SRPK2: variants seen among roughly 807,000 people sequenced by gnomAD.
SRPK2 encodes SFRS protein kinase 2.
SRPK2 carries 21 observed loss-of-function variants against 90.8 expected under a neutral mutation model. The observed-to-expected ratio is 0.23, with a 90% confidence interval of 0.16 to 0.33. The LOEUF (loss-of-function observed/expected upper bound fraction) is 0.33, where lower values mean the gene tolerates loss of function less well. Among genes scored for constraint, SRPK2 ranks in the 10% least tolerant of loss-of-function variants. The probability of loss-of-function intolerance (pLI) is 1.00; values close to 1 mark genes in which losing one functional copy is unlikely to be tolerated. For missense variants in SRPK2, 620 were observed against 869.0 expected (o/e 0.71, Z 3.60); for synonymous variants, 288 against 311.1 (o/e 0.93, Z 0.78).
At chr7:105,212,900 CT>C (rs1017181091) in intron 2 of SRPK2, among the ~76,000 whole-genome samples, 6 of 152,004 alleles carry the variant, frequency 3.9e-5, no homozygotes, top group African/African-American at 1.4e-4. Context: ...TGTACAGACT[CT>C]TTTTTTGGTC....
At position 105,298,566 on chromosome 7, in the gene SRPK2, C is replaced by T. The variant is rs187085734; in HGVS notation, c.71+90082G>A. 1.9e-3 allele frequency among the ~76,000 whole-genome samples: 292 copies of T among 152,142 alleles called. 2 individuals carry two copies. Among genetic ancestry groups the T allele is most frequent in the African/African-American group, 6.8e-3 (281 of 41,494 alleles). ...TAAATTGTGAGATGACTGCTTGAGA[C>T]CAGGAGTCTGAGGCCAGCCTGGGCA... On this transcript the variant is annotated intron_variant, in intron 2 of 15. Transcript: ENST00000393651.
intron 2 of SRPK2, among the ~76,000 whole-genome samples, chr7:105,328,879 A>G (rs1011729068): frequency 4.0e-4 from 61 of 151,750 alleles, no homozygotes; most frequent in Admixed American, 3.9e-3. Flanking sequence ...AAAAAAAAAA[A>G]AAAAATTTAA....
At chr7:105,335,703 C>T (rs189052658) in intron 2 of SRPK2, among the ~76,000 whole-genome samples, 2 of 151,088 alleles carry the variant, frequency 1.3e-5, no homozygotes, top group Admixed American at 1.3e-4. Flanking sequence ...TCTGTAATCC[C>T]AGCACTTTGG....
At chr7:105,176,287 C>A (rs1047780452) in intron 3 of SRPK2, among the ~76,000 whole-genome samples, 1 of 152,056 alleles carries the variant, frequency 6.6e-6, no homozygotes, top group Admixed American at 6.6e-5. Context: ...CATTCTTGAT[C>A]ACAATTCTCA....
At chr7:105,265,923 G>C (rs369398118) in intron 2 of SRPK2, among the ~76,000 whole-genome samples, 10 of 151,878 alleles carry the variant, frequency 6.6e-5, no homozygotes, top group East Asian at 1.9e-4. Context: ...TGGTTATGCT[G>C]AGTTTTTTTC....
rs376654156 is a variant in SRPK2, at chr7:105,385,928, C to T, written c.71+2720G>A. Among the ~76,000 whole-genome samples the T allele has an allele frequency of 5.9e-5, 9 of 152,238 alleles. No homozygotes were observed. The South Asian group carries it at 1.9e-3, about 32-fold the overall frequency. ...GTCCCATCTTCATTTTCTTCCTATC[C>T]CTTAGCCCTATCTGAAATTATCTTG... On this transcript the variant is annotated intron_variant, in intron 2 of 15. Coordinates refer to ENST00000393651, the MANE Select transcript of SRPK2 (RefSeq NM_182692.3).
chr7:105,166,856 T>A (rs1439513724), intron 6 of SRPK2, among the ~76,000 whole-genome samples: 1 of 152,210 alleles, frequency 6.6e-6, no homozygotes, highest in Non-Finnish European at 1.5e-5. Context: ...GGCTCAGTTG[T>A]ATCATTTTGG....
intron 3 of SRPK2, among the ~76,000 whole-genome samples, chr7:105,178,435 A>AT (rs1563041625): frequency 6.6e-6 from 1 of 152,224 alleles, no homozygotes; most frequent in Non-Finnish European, 1.5e-5. Context: ...AATATTTCCT[A>AT]TAACAGTAAT....
At chr7:105,127,500 TGTTTTAGTAACCAAG>T (rs1381823071) in intron 13 of SRPK2, among the ~76,000 whole-genome samples, 1 of 152,258 alleles carries the variant, frequency 6.6e-6, no homozygotes, top group African/African-American at 2.4e-5. Context: ...AAGACCTTCA[TGTTTTAGTAACCAAG>T]GACTATTTTC....
chr7:105,324,996 C>G (rs565296739), intron 2 of SRPK2, among the ~76,000 whole-genome samples: 1 of 152,316 alleles, frequency 6.6e-6, no homozygotes, highest in African/African-American at 2.4e-5. Flanking sequence ...TAGAAGTCAA[C>G]TGGAGCCATT....
chr7:105,370,396 G>C (rs1439937571), intron 2 of SRPK2, among the ~76,000 whole-genome samples: 1 of 152,020 alleles, frequency 6.6e-6, no homozygotes, highest in Non-Finnish European at 1.5e-5. Context: ...TCACAAAGTT[G>C]AATGACAGTT....
At chr7:105,267,206 AG>A (rs1234398285) in intron 2 of SRPK2, among the ~76,000 whole-genome samples, 2 of 152,198 alleles carry the variant, frequency 1.3e-5, no homozygotes, top group Admixed American at 1.3e-4. Flanking sequence ...CTTTCCTTAC[AG>A]AATGTATTTT....
At position 105,124,036 on chromosome 7, in the gene SRPK2, G is replaced by T. The variant is rs140091829; in HGVS notation, c.1915+2212C>A. 2.3e-3 allele frequency among the ~76,000 whole-genome samples: 357 copies of T among 152,362 alleles called. 1 individual carries two copies. The highest frequency in any genetic ancestry group is 8.2e-3 in the African/African-American group (343 of 41,584). On this transcript the variant is annotated intron_variant, in intron 15 of 15. Coordinates refer to ENST00000393651, the MANE Select transcript of SRPK2 (RefSeq NM_182692.3). ...TACGTGGTGATGATGGCAGTAACCT[G>T]GAGATACACATCCACAAGCTGTCTC...
intron 3 of SRPK2, among the ~76,000 whole-genome samples, chr7:105,170,325 C>T (rs1348678860): frequency 6.6e-6 from 1 of 152,018 alleles, no homozygotes; most frequent in East Asian, 1.9e-4. Context: ...TCTTAATTTA[C>T]CCTCTAACAG....
intron 3 of SRPK2, among the ~76,000 whole-genome samples, chr7:105,202,874 C>T (rs895328316): frequency 2.6e-5 from 4 of 152,202 alleles, no homozygotes; most frequent in Non-Finnish European, 5.9e-5. Flanking sequence ...TTCTTTTAGC[C>T]TTAGCAGTCA....
At chr7:105,257,890 G>T (rs4496901) in intron 2 of SRPK2, among the ~76,000 whole-genome samples, 109,188 of 151,798 alleles carry the variant, frequency 0.72, 39,743 homozygotes, top group African/African-American at 0.83. Flanking sequence ...GGCAGGCAGA[G>T]CAAGAGGTCA....
rs550556010 is a variant in SRPK2, at chr7:105,358,310, T to C, written c.71+30338A>G. On this transcript the variant is annotated intron_variant, in intron 2 of 15. Transcript: ENST00000393651. ...CCTTATCAATAACATAAACAGTAGA[T>C]AACACACATTTTGTATGTTATATGT... Among the ~76,000 whole-genome samples the C allele has an allele frequency of 1.3e-4, 19 of 150,782 alleles. No homozygotes were observed. In the East Asian group the frequency reaches 2.6e-3, roughly 20 times the overall value.
At chr7:105,385,198 T>G (rs113029957) in intron 2 of SRPK2, among the ~76,000 whole-genome samples, 3,527 of 79,144 alleles carry the variant, frequency 0.045, 55 homozygotes, top group Middle Eastern at 0.16. Flanking sequence ...TTTTTTTTTT[T>G]GAGATGGAGT....
intron 2 of SRPK2, among the ~76,000 whole-genome samples, chr7:105,360,019 C>CT (rs1401042613): frequency 6.6e-6 from 1 of 152,150 alleles, no homozygotes; most frequent in African/African-American, 2.4e-5. Flanking sequence ...ATCTAAGTCT[C>CT]TTTGTAGGTC....
Sources: gnomAD v4.1 joint callset for allele counts (sites outside exome capture counted in the v4.1 genomes callset) on GRCh38, gnomAD v4.1.1 for gene constraint, MANE v1.5 for transcripts, NCBI Gene and HGNC (gene_info 2026-07-23, HGNC 2026-07-21) for gene names.